The following ERC1 variants were observed in gnomAD, a reference collection of about 807,000 sequenced individuals.
ERC1 encodes RAB6 interacting protein 2.
In ERC1, 56 loss-of-function variants were observed where a neutral mutation model predicts 132.0. The observed-to-expected ratio is 0.42, with a 90% confidence interval of 0.34 to 0.53. The LOEUF (loss-of-function observed/expected upper bound fraction) is 0.53, where lower values mean the gene tolerates loss of function less well. Ranked by LOEUF, ERC1 falls within the 20% of genes least tolerant of loss-of-function variation. The pLI is 0.03. For synonymous variants in ERC1, 478 were observed against 476.1 expected (o/e 1.00, Z -0.05); for missense variants, 1,202 against 1,349.9 (o/e 0.89, Z 1.72).
chr12:1,107,516 A>T (rs1945391322), intron 4 of ERC1, among the ~76,000 whole-genome samples: 1 of 152,166 alleles, frequency 6.6e-6, no homozygotes, highest in African/African-American at 2.4e-5. Flanking sequence ...AGGGGAAGAG[A>T]GTTCTGGATG....
intron 1 of ERC1, among the ~76,000 whole-genome samples, chr12:999,053 T>C (rs1961590422): frequency 6.6e-6 from 1 of 152,004 alleles, no homozygotes; most frequent in Admixed American, 6.6e-5. Flanking sequence ...AGAGATGGGG[T>C]TTCACCATGT....
At position 1,100,180 on chromosome 12, in the gene ERC1, TAAGGG is replaced by T. The variant is rs561777820; in HGVS notation, c.1087-4565_1087-4561del. On this transcript the variant is annotated intron_variant, in intron 3 of 18. Coordinates refer to ENST00000360905, the MANE Select transcript of ERC1 (RefSeq NM_178040.4). ...TGACTTTTGAACAGACTTCAACAGT[TAAGGG>T]AAGGAGAGAGCCTGTCAAAGGGAGC... Among the ~76,000 whole-genome samples the T allele has an allele frequency of 1.6e-3, 236 of 151,224 alleles. 1 individual carries two copies. The highest frequency in any genetic ancestry group is 2.2e-3 in the Non-Finnish European group (150 of 67,754).
intron 11 of ERC1, among the ~76,000 whole-genome samples, chr12:1,184,139 AAAAAAAAAAAAAAG>A (rs1357851294): frequency 2.5e-5 from 3 of 118,296 alleles, no homozygotes; most frequent in African/African-American, 7.8e-5. Flanking sequence ...CCATCTCACA[AAAAAAAAAAAAAAG>A]AAAAAAAAAA....
intron 14 of ERC1, among the ~76,000 whole-genome samples, chr12:1,283,889 C>G (rs775158358): frequency 5.9e-5 from 9 of 152,150 alleles, no homozygotes; most frequent in Non-Finnish European, 8.8e-5. Context: ...TCACTTCTAA[C>G]ATCTATTATT....
chr12:1,423,674 A>T (rs1591960414), intron 17 of ERC1, among the ~76,000 whole-genome samples: 1 of 152,236 alleles, frequency 6.6e-6, no homozygotes, highest in African/African-American at 2.4e-5. Context: ...AGAAAGAAGC[A>T]TTCAAATCTC....
intron 2 of ERC1, among the ~76,000 whole-genome samples, chr12:1,054,283 T>A (rs1283339975): frequency 6.6e-6 from 1 of 152,216 alleles, no homozygotes; most frequent in Non-Finnish European, 1.5e-5. Flanking sequence ...AGGGCCATTC[T>A]AAGGCCAGTG....
At position 1,398,097 on chromosome 12, in the gene ERC1, CCTCAGCCTCCCAA is replaced by C. The variant is rs570390444; in HGVS notation, c.2926-10051_2926-10039del. 3.3e-5 allele frequency among the ~76,000 whole-genome samples: 5 copies of C among 152,290 alleles called. No individual in the cohort carries two copies. The South Asian group carries it at 6.2e-4, about 19-fold the overall frequency. ...CTCCCAGGCTCAATCGATCCTCCCA[CCTCAGCCTCCCAA>C]GTAGCTGGGACTGCGGGCACATGCC... On this transcript the variant is annotated intron_variant, in intron 16 of 18. Coordinates refer to ENST00000360905, the MANE Select transcript of ERC1 (RefSeq NM_178040.4).
chr12:1,335,784 A>G (rs61913087), intron 15 of ERC1, among the ~76,000 whole-genome samples: 31,729 of 152,048 alleles, frequency 0.21, 3,831 homozygotes, highest in Non-Finnish European at 0.27. Flanking sequence ...TATTTGAAAT[A>G]GTTTCAGGGG....
intron 13 of ERC1, among the ~76,000 whole-genome samples, chr12:1,243,049 C>T (rs375856504): frequency 0.029 from 4,364 of 151,164 alleles, 215 homozygotes; most frequent in African/African-American, 0.1. Flanking sequence ...TAGCCAGGCG[C>T]GGTGGCGGGC....
Position 1,083,179 on chromosome 12 carries a change from A to G in ERC1, c.685A>G (p.Ile229Val), listed in dbSNP as rs1565931017. The stretch of plus-strand genomic sequence containing the variant: ...TTGGTTCTAGCACATGCAGATGACA[A>G]TCCAGGCTCTCCAGGATGAATTGCG... ...QEENQHMQMTIQALQDELRIQ... is the reference protein window; with the variant it reads ...QEENQHMQMTVQALQDELRIQ... The change falls in exon 3 of 19, where the codon ATC (isoleucine) becomes GTC (valine). Residue 229 changes from isoleucine (I) to valine (V), a missense_variant. Ile to Val is a conservative substitution (Grantham distance 29). Transcript: ENST00000360905. The G allele has an allele frequency of 1.2e-6, 2 of 1,612,976 alleles. No homozygotes were observed. Among genetic ancestry groups the G allele is most frequent in the Non-Finnish European group, 1.7e-6 (2 of 1,179,674 alleles).
rs1373403654 is a variant in ERC1, at chr12:1,090,863, GTTGTTATTATTATTATTATTA to G, written c.1086+7286_1086+7306del. Reference sequence around the variant, plus strand: ...TATTATTATTGTTGTTGTTGTTGTTGTTGTTATTATTATTATTATTATTATTATTATTATTATTATTATTAT... The same window carrying G: ...TATTATTATTGTTGTTGTTGTTGTTGTTATTATTATTATTATTATTATTAT... On this transcript the variant is annotated intron_variant, in intron 3 of 18. Transcript: ENST00000360905. Among the ~76,000 whole-genome samples the G allele has an allele frequency of 6.7e-5, 3 of 44,630 alleles. 1 individual carries two copies. Among genetic ancestry groups the G allele is most frequent in the African/African-American group, 2.5e-4 (3 of 12,026 alleles). 29.3% of individuals were successfully genotyped at this position (44,630 alleles called of 152,430 possible).
intron 15 of ERC1, among the ~76,000 whole-genome samples, chr12:1,299,111 G>C (rs2080198351): frequency 1.3e-5 from 2 of 152,110 alleles, no homozygotes; most frequent in Non-Finnish European, 2.9e-5. Flanking sequence ...CTTAGAAACT[G>C]ATAGAATTAC....
chr12:1,230,736 T>G (rs935641853), intron 12 of ERC1, among the ~76,000 whole-genome samples: 2 of 152,220 alleles, frequency 1.3e-5, no homozygotes, highest in African/African-American at 4.8e-5. Context: ...GCTTTATATT[T>G]TTAGGTGCTC....
chr12:1,366,763 A>G (rs527413681), intron 15 of ERC1, among the ~76,000 whole-genome samples: 1 of 152,334 alleles, frequency 6.6e-6, no homozygotes, highest in East Asian at 1.9e-4. Flanking sequence ...TGGGTACATT[A>G]AAAACTAAAT....
chr12:1,080,747 G>T (rs1038226560), intron 2 of ERC1, among the ~76,000 whole-genome samples: 1 of 152,022 alleles, frequency 6.6e-6, no homozygotes. Context: ...TGATTCTGAG[G>T]CTTCCTCAGC....
Position 1,083,211 on chromosome 12 carries a change from G to C in ERC1, c.717G>C (p.Gln239His). ...IQALQDELRIQRDLNQLFQQD... is the reference protein window; with the variant it reads ...IQALQDELRIHRDLNQLFQQD... ...CTCTCCAGGATGAATTGCGGATCCA[G>C]AGGGACCTGAATCAGCTGTTTCAGC... Residue 239 changes from glutamine (Q) to histidine (H), a missense_variant, in exon 3 of 19, where the codon CAG (glutamine) becomes CAC (histidine). By Grantham distance (24) the Gln-to-His change is conservative (BLOSUM62 0). Coordinates refer to ENST00000360905, the MANE Select transcript of ERC1 (RefSeq NM_178040.4). 4 of 1,614,156 alleles carry C rather than the reference G, an allele frequency of 2.5e-6. No homozygotes were observed. Among genetic ancestry groups the C allele is most frequent in the Non-Finnish European group, 3.4e-6 (4 of 1,180,024 alleles).
At chr12:1,279,760 A>G (rs2078545854) in intron 14 of ERC1, among the ~76,000 whole-genome samples, 2 of 151,734 alleles carry the variant, frequency 1.3e-5, no homozygotes, top group East Asian at 1.9e-4. Context: ...CAGTGGTGCA[A>G]TCTCGGCTCA....
intron 16 of ERC1, among the ~76,000 whole-genome samples, chr12:1,377,396 A>AC (rs2088070769): frequency 1.3e-5 from 2 of 151,758 alleles, no homozygotes; most frequent in African/African-American, 4.8e-5. Flanking sequence ...TCTAGCACAC[A>AC]TTCACTCATC....
intron 7 of ERC1, among the ~76,000 whole-genome samples, chr12:1,125,208 C>A (rs543265107): frequency 4.7e-4 from 71 of 152,088 alleles, no homozygotes; most frequent in East Asian, 5.8e-4. Context: ...GTTAGCCAGG[C>A]TGGTCTCAAT....
Sources: allele counts gnomAD v4.1 joint callset (sites outside exome capture counted in the v4.1 genomes callset), GRCh38; gene constraint gnomAD v4.1.1; transcripts MANE v1.5; gene names NCBI Gene and HGNC (gene_info 2026-07-23, HGNC 2026-07-21).